STXBP5: variants seen among roughly 807,000 people sequenced by gnomAD.
STXBP5 encodes the protein syntaxin-binding protein 5.
A neutral mutation model predicts 152.4 loss-of-function variants in STXBP5; 50 were observed. The observed-to-expected ratio is 0.33, with a 90% CI of 0.26 to 0.42. The LOEUF is 0.42. STXBP5 is among the 10% of genes least tolerant of loss of function. The probability of loss-of-function intolerance (pLI) is 1.00; values close to 1 mark genes in which losing one functional copy is unlikely to be tolerated. For missense variants in STXBP5, 1,167 were observed against 1,388.6 expected (o/e 0.84, Z 2.54); for synonymous variants, 492 against 494.7 (o/e 0.99, Z 0.07).
intron 4 of STXBP5, 151 bp from the exon 5 acceptor site, chr6:147,260,464 A>C: frequency 1.2e-6 from 1 of 843,524 alleles, no homozygotes; most frequent in Non-Finnish European, 1.8e-6. Context: ...AATTAGCATA[A>C]TTAAATATTA....
intron 6 of STXBP5, among the ~76,000 whole-genome samples, 188 bp from the exon 7 acceptor site, chr6:147,266,894 CAT>C (rs1383336514): frequency 6.6e-6 from 1 of 152,108 alleles, no homozygotes; most frequent in Non-Finnish European, 1.5e-5. Context: ...TCATCAAAGA[CAT>C]ATAAATATGC....
At chr6:147,318,463 A>G (rs1433589979) in intron 16 of STXBP5, among the ~76,000 whole-genome samples, 4 of 152,212 alleles carry the variant, frequency 2.6e-5, no homozygotes, top group African/African-American at 9.6e-5. Context: ...TCCATTTTAA[A>G]GGTAATACTG....
At chr6:147,208,614 T>C (rs371223977) in intron 2 of STXBP5, among the ~76,000 whole-genome samples, 1 of 152,148 alleles carries the variant, frequency 6.6e-6, no homozygotes, top group East Asian at 1.9e-4. Flanking sequence ...CTAAAAGATA[T>C]CATTAGAGCA....
chr6:147,370,230 A>G (rs1405597635), intron 25 of STXBP5, among the ~76,000 whole-genome samples: 1 of 152,102 alleles, frequency 6.6e-6, no homozygotes, highest in East Asian at 1.9e-4. Context: ...TAACTTGGAT[A>G]TGGGGTTGTT....
At chr6:147,260,481 A>G in intron 4 of STXBP5, 134 bp from the exon 5 acceptor site, 1 of 975,556 alleles carries the variant, frequency 1.0e-6, no homozygotes, top group Middle Eastern at 2.8e-4. Flanking sequence ...ATTAGTCACA[A>G]TGAATAGATA....
intron 4 of STXBP5, among the ~76,000 whole-genome samples, chr6:147,252,102 T>G (rs1022234318): frequency 6.6e-6 from 1 of 152,052 alleles, no homozygotes; most frequent in Non-Finnish European, 1.5e-5. Flanking sequence ...CAAAGGTAGA[T>G]AAATCAACAA....
rs918426580 is a variant in STXBP5 at position 147,387,033 on chromosome 6, A to C, written c.*2278A>C. ...TGGATTTCCAAGATTTTGTAAGAAA[A>C]TCTTAAATCAGTGTTTTGAGTTATT... On this transcript the variant is annotated 3_prime_UTR_variant, in exon 28 of 28. Coordinates refer to ENST00000321680, the MANE Select transcript of STXBP5 (RefSeq NM_001127715.4). The C allele has an allele frequency of 1.3e-5, 2 of 151,776 alleles. No homozygotes were observed. The highest frequency in any genetic ancestry group is 3.0e-5 in the Non-Finnish European group (2 of 67,734). 9.4% of individuals were successfully genotyped at this position (151,776 alleles called of 1,614,324 possible). A position where few individuals can be genotyped will look rare whatever the true frequency, so the allele number is the denominator to read the frequency against.
At chr6:147,259,585 TTG>T (rs1779547185) in intron 4 of STXBP5, among the ~76,000 whole-genome samples, 1 of 152,156 alleles carries the variant, frequency 6.6e-6, no homozygotes, top group African/African-American at 2.4e-5. Flanking sequence ...TGTAATAAAA[TTG>T]TGTGTTAATG....
intron 8 of STXBP5, among the ~76,000 whole-genome samples, chr6:147,278,443 A>G (rs1582881568): frequency 6.6e-6 from 1 of 152,212 alleles, no homozygotes; most frequent in Non-Finnish European, 1.5e-5. Context: ...AAAATGTTAT[A>G]TTATTTTCTG....
intron 8 of STXBP5, among the ~76,000 whole-genome samples, chr6:147,289,922 C>T (rs112642478): frequency 5.9e-5 from 9 of 152,104 alleles, no homozygotes; most frequent in Non-Finnish European, 1.3e-4. Flanking sequence ...CTTTCCTGGC[C>T]GGGTGCAGTG....
chr6:147,321,230 TTAAAG>T (rs1782920795), intron 16 of STXBP5, among the ~76,000 whole-genome samples: 1 of 152,200 alleles, frequency 6.6e-6, no homozygotes, highest in Non-Finnish European at 1.5e-5. Context: ...GGCCAGTTTC[TTAAAG>T]TAAGAAGTAT....
chr6:147,216,990 G>C (rs1272247456), intron 2 of STXBP5, among the ~76,000 whole-genome samples: 1 of 152,168 alleles, frequency 6.6e-6, no homozygotes, highest in Non-Finnish European at 1.5e-5. Flanking sequence ...TTTCAAATAA[G>C]TGCAGTCTGG....
chr6:147,363,915 G>T, intron 24 of STXBP5, 86 bp from the exon 25 acceptor site: 2 of 1,445,922 alleles, frequency 1.4e-6, no homozygotes, highest in South Asian at 2.6e-5. Context: ...TAAGATTTAT[G>T]AGGTCTCTGC....
At chr6:147,289,899 C>T (rs1781192301) in intron 8 of STXBP5, among the ~76,000 whole-genome samples, 1 of 152,136 alleles carries the variant, frequency 6.6e-6, no homozygotes, top group South Asian at 2.1e-4. Flanking sequence ...AACAAATACA[C>T]TAAAAATGTT....
intron 2 of STXBP5, among the ~76,000 whole-genome samples, chr6:147,233,578 T>C (rs1043190758): frequency 6.6e-6 from 1 of 151,766 alleles, no homozygotes; most frequent in Admixed American, 6.6e-5. Context: ...TTGACATTCA[T>C]GTAAAATGGG....
At chr6:147,246,760 A>G (rs1250708766) in intron 4 of STXBP5, among the ~76,000 whole-genome samples, 3 of 152,168 alleles carry the variant, frequency 2.0e-5, no homozygotes, top group African/African-American at 7.2e-5. Flanking sequence ...TTAATAATCA[A>G]GACTTTATAA....
chr6:147,252,618 A>G (rs1779154510), intron 4 of STXBP5, among the ~76,000 whole-genome samples: 1 of 152,172 alleles, frequency 6.6e-6, no homozygotes, highest in Non-Finnish European at 1.5e-5. Flanking sequence ...CCTAAAAGTG[A>G]TGGGGAGAAT....
chr6:147,234,731 A>G (rs890312009), intron 2 of STXBP5, among the ~76,000 whole-genome samples: 23 of 152,006 alleles, frequency 1.5e-4, no homozygotes, highest in African/African-American at 5.3e-4. Flanking sequence ...TCATGTTTCA[A>G]TTAGAAACAT....
At chr6:147,274,380 A>G (rs2128339426) in intron 7 of STXBP5, among the ~76,000 whole-genome samples, 1 of 152,278 alleles carries the variant, frequency 6.6e-6, no homozygotes, top group East Asian at 1.9e-4. Flanking sequence ...ACTATTTATA[A>G]TCTTTAGAGA....
Sources: gnomAD v4.1 joint callset for allele counts (sites outside exome capture counted in the v4.1 genomes callset) on GRCh38, gnomAD v4.1.1 for gene constraint, MANE v1.5 for transcripts, NCBI Gene and HGNC (gene_info 2026-07-23, HGNC 2026-07-21) for gene names.